The following NEIL2 variants were observed in gnomAD, a reference collection of about 807,000 sequenced individuals.
The protein encoded by NEIL2 is nei like DNA glycosylase 2.
A neutral mutation model predicts 22.2 loss-of-function variants in NEIL2; 23 were observed. The observed-to-expected ratio is 1.04, with a 90% confidence interval of 0.75 to 1.47. NEIL2 has a LOEUF of 1.47. Among genes scored for constraint, NEIL2 ranks in the 40% most tolerant of loss-of-function variants. The probability of loss-of-function intolerance (pLI) is 0.00; values close to 1 mark genes in which losing one functional copy is unlikely to be tolerated. For synonymous variants in NEIL2, 229 were observed against 164.8 expected, an observed-to-expected ratio of 1.39 and a Z score of -2.99; for missense variants, 583 against 404.7, an observed-to-expected ratio of 1.44 and a Z score of -3.78.
In NEIL2 at chr8:11,786,236, A is replaced by G; in HGVS notation, c.962A>G (p.Gln321Arg). The G allele has an allele frequency of 6.2e-7, 1 of 1,612,920 alleles. No homozygotes were observed. The highest frequency in any genetic ancestry group is 1.7e-5 in the Admixed American group (1 of 60,028). Residue 321 changes from glutamine to arginine, a missense_variant, in exon 5 of 5, where the codon CAG becomes CGG. Transcript: ENST00000284503. ...TGGTGGTGCCCGCAGTGCCAGCCCC[A>G]GTTGTCAGAGGAGCCAGAGCAGTGC... ...LTWWCPQCQP[Q>R]LSEEPEQCQF...
chr8:11,786,233 C>A lies in NEIL2; in HGVS notation c.959C>A (p.Pro320His), dbSNP rs148791384. Residue 320 changes from proline (P) to histidine (H), a missense_variant, in exon 5 of 5, where the codon CCC (proline) becomes CAC (histidine). Pro to His is a moderately conservative substitution (Grantham distance 77, BLOSUM62 -2). Coordinates refer to ENST00000284503, the MANE Select transcript of NEIL2 (RefSeq NM_145043.4). The part of the protein sequence containing the change: ...RLTWWCPQCQ[P>H]QLSEEPEQCQ... ...ACCTGGTGGTGCCCGCAGTGCCAGC[C>A]CCAGTTGTCAGAGGAGCCAGAGCAG... The A allele has an allele frequency of 8.2e-5, 132 of 1,612,886 alleles. No homozygotes were observed. In the African/African-American group the frequency reaches 1.4e-3, roughly 18 times the overall value.
At position 11,786,542 on chromosome 8, in the gene NEIL2, A is replaced by G. The variant is rs1281701444; in HGVS notation, c.*269A>G. On this transcript the variant is annotated 3_prime_UTR_variant, in exon 5 of 5. Transcript: ENST00000284503. ...AAAATCGTGATGATGGGTAAGGGGA[A>G]AACTTCCCGGAAGGCAATGGGGCAA... 17 of 531,394 alleles carry G rather than the reference A, an allele frequency of 3.2e-5. No individual in the cohort carries two copies. 32.9% of individuals were successfully genotyped at this position (531,394 alleles called of 1,614,324 possible). A position where few individuals can be genotyped will look rare whatever the true frequency, so the allele number is the denominator to read the frequency against.
At chr8:11,772,220 A>G (rs1327621745) in intron 2 of NEIL2, among the ~76,000 whole-genome samples, 1 of 152,142 alleles carries the variant, frequency 6.6e-6, no homozygotes, top group Admixed American at 6.5e-5. Flanking sequence ...AGAAAAGAAA[A>G]GAGCAGAACC....
intron 4 of NEIL2, among the ~76,000 whole-genome samples, chr8:11,783,874 TCTACA>T (rs1322048339): frequency 6.6e-6 from 1 of 152,208 alleles, no homozygotes; most frequent in African/African-American, 2.4e-5. Flanking sequence ...GATGACTCAG[TCTACA>T]CTGGGTTCTT....
rs113440513 is a variant in NEIL2, at chr8:11,780,437, G to A, written c.491+487G>A. Among the ~76,000 whole-genome samples, 585 of 152,336 alleles carry A rather than the reference G, an allele frequency of 3.8e-3. 9 individuals are homozygous for A. Among genetic ancestry groups the A allele is most frequent in the African/African-American group, 0.013 (558 of 41,578 alleles). On this transcript the variant is annotated intron_variant, in intron 3 of 4. Coordinates refer to ENST00000284503, the MANE Select transcript of NEIL2 (RefSeq NM_145043.4). ...CTCTGTTGGCCCAGGCTGGAGTGCA[G>A]TGGCACGATCTCGCCTCACTGCAAC...
intron 2 of NEIL2, among the ~76,000 whole-genome samples, chr8:11,775,550 A>T (rs1010245320): frequency 1.7e-4 from 26 of 152,136 alleles, no homozygotes; most frequent in Admixed American, 1.1e-3. Context: ...TTTGACTCCT[A>T]GTTACTTATG....
intron 4 of NEIL2, among the ~76,000 whole-genome samples, chr8:11,784,895 GTC>G (rs1804756376): frequency 6.6e-6 from 1 of 152,110 alleles, no homozygotes; most frequent in African/African-American, 2.4e-5. Context: ...TTGACACAGG[GTC>G]TCTCTCTGTC....
intron 2 of NEIL2, among the ~76,000 whole-genome samples, chr8:11,777,949 C>G (rs1228576284): frequency 6.6e-6 from 1 of 152,166 alleles, no homozygotes; most frequent in Non-Finnish European, 1.5e-5. Flanking sequence ...ATTAAGTTTC[C>G]AACACATACT....
chr8:11,786,617 A>AGAT lies in NEIL2; in HGVS notation c.*349_*351dup, dbSNP rs1323285327. ...GGCTGTGCTCCCAACATAGCTTTGC[A>AGAT]GATGATGTGGGTTTTTTTTTTTTTT... is the stretch of plus-strand genomic sequence containing the variant. On this transcript the variant is annotated 3_prime_UTR_variant, in exon 5 of 5. Transcript: ENST00000284503. 7.2e-5 allele frequency: 21 copies of AGAT among 292,126 alleles called. No individual in the cohort carries two copies. The highest frequency in any genetic ancestry group is 1.2e-4 in the Non-Finnish European group (19 of 156,360). 18.1% of individuals were successfully genotyped at this position (292,126 alleles called of 1,614,324 possible).
At chr8:11,776,000 C>T (rs1477718661) in intron 2 of NEIL2, among the ~76,000 whole-genome samples, 1 of 152,210 alleles carries the variant, frequency 6.6e-6, no homozygotes, top group Non-Finnish European at 1.5e-5. Context: ...GTTGCTTCCG[C>T]ATTTTTAGAT....
intron 2 of NEIL2, among the ~76,000 whole-genome samples, chr8:11,777,293 T>A (rs1803989449): frequency 6.6e-6 from 1 of 152,046 alleles, no homozygotes; most frequent in Non-Finnish European, 1.5e-5. Flanking sequence ...GTGCCTGGCC[T>A]AGCCACACTT....
chr8:11,771,646 C>T, intron 2 of NEIL2, 61 bp downstream of exon 2: 2 of 1,548,220 alleles, frequency 1.3e-6, no homozygotes, highest in Non-Finnish European at 8.8e-7. Context: ...CCCCTAGGAT[C>T]TATCCCCATA....
chr8:11,781,911 A>T (rs148833029), intron 3 of NEIL2, among the ~76,000 whole-genome samples: 8 of 152,120 alleles, frequency 5.3e-5, no homozygotes, highest in African/African-American at 1.4e-4. Flanking sequence ...AAAATAAAAT[A>T]AAATTAACCG....
chr8:11,771,841 G>A (rs564214120), intron 2 of NEIL2, among the ~76,000 whole-genome samples: 19 of 152,264 alleles, frequency 1.2e-4, no homozygotes, highest in African/African-American at 4.1e-4. Flanking sequence ...TATTCTCTCC[G>A]GCCGCAGCTG....
At chr8:11,785,926 C>T in intron 4 of NEIL2, 37 bp from the exon 5 acceptor site, 1 of 1,597,344 alleles carries the variant, frequency 6.3e-7, no homozygotes, top group East Asian at 2.2e-5. Context: ...GCCATGTGTC[C>T]TTTGTCCTTC....
In NEIL2 at chr8:11,771,020, GTGGGTCAGAA is replaced by G. The variant is rs1324012881; in HGVS notation, c.-2-422_-2-413del. Among the ~76,000 whole-genome samples, 3 of 152,322 alleles carry G rather than the reference GTGGGTCAGAA, an allele frequency of 2.0e-5. No individual in the cohort carries two copies. The East Asian group carries it at 5.8e-4, about 29-fold the overall frequency. On this transcript the variant is annotated intron_variant, in intron 1 of 4. Coordinates refer to ENST00000284503, the MANE Select transcript of NEIL2 (RefSeq NM_145043.4). ...AAAAGTGGGAAATAAGTCGGCAGCA[GTGGGTCAGAA>G]TGGCTGTTTTTTGAGAGCGGGAGCA...
rs1804909451 is a variant in NEIL2, at chr8:11,786,060, T to A, written c.786T>A (p.Asp262Glu). The A allele has an allele frequency of 4.3e-6, 7 of 1,614,174 alleles. No individual in the cohort carries two copies. The South Asian group carries it at 7.7e-5, about 18-fold the overall frequency. The change falls in exon 5 of 5, where the codon GAT becomes GAA. Residue 262 changes from aspartate (D) to glutamate (E), a missense_variant. Asp to Glu is a conservative substitution (Grantham distance 45). Transcript: ENST00000284503. ...LSASRREVLV[D>E]HVVEFSTAWL... The stretch of plus-strand genomic sequence containing the variant: ...CCTCGCGTCGGGAGGTCCTGGTGGA[T>A]CACGTGGTGGAGTTCAGTACAGCCT...
At chr8:11,781,819 G>T (rs889569751) in intron 3 of NEIL2, among the ~76,000 whole-genome samples, 1 of 151,954 alleles carries the variant, frequency 6.6e-6, no homozygotes, top group African/African-American at 2.4e-5. Flanking sequence ...CAGCACTTTG[G>T]GAGGCTGAGA....
rs1267392818 is a variant in NEIL2 at position 11,778,042 on chromosome 8, A to G, written c.139-1556A>G. Among the ~76,000 whole-genome samples the G allele has an allele frequency of 2.0e-5, 3 of 152,326 alleles. No homozygotes were observed. In the East Asian group the frequency reaches 5.8e-4, roughly 29 times the overall value. The stretch of plus-strand genomic sequence containing the variant: ...CCTAGCACACTGCCAGGCACATTGA[A>G]TAAGCTTAATTAATGATTAGTGAAT... On this transcript the variant is annotated intron_variant, in intron 2 of 4. Coordinates refer to ENST00000284503, the MANE Select transcript of NEIL2 (RefSeq NM_145043.4).
Sources: allele counts gnomAD v4.1 joint callset (sites outside exome capture counted in the v4.1 genomes callset), GRCh38; gene constraint gnomAD v4.1.1; transcripts MANE v1.5; gene names NCBI Gene and HGNC (gene_info 2026-07-23, HGNC 2026-07-21).